Variants in SMURF2 observed in about 807,000 individuals in gnomAD.
SMURF2 encodes E3 ubiquitin-protein ligase SMURF2.
In SMURF2, 48 loss-of-function variants were observed where a neutral mutation model predicts 109.6. The observed-to-expected ratio is 0.44, with a 90% CI of 0.35 to 0.56. The LOEUF is 0.56. Among genes scored for constraint, SMURF2 ranks in the 20% least tolerant of loss-of-function variants. SMURF2 has a pLI of 0.01. For synonymous variants in SMURF2, 288 were observed against 317.1 expected, an observed-to-expected ratio of 0.91 and a Z score of 0.97; for missense variants, 575 against 909.0, an observed-to-expected ratio of 0.63 and a Z score of 4.72.
chr17:64,635,967 C>T (rs1382915333), intron 1 of SMURF2, among the ~76,000 whole-genome samples: 2 of 152,184 alleles, frequency 1.3e-5, no homozygotes, highest in Admixed American at 1.3e-4. Context: ...AATTTCTCCA[C>T]ATCTTTGCTA....
intron 2 of SMURF2, among the ~76,000 whole-genome samples, chr17:64,600,068 A>G (rs1555688421): frequency 6.6e-6 from 1 of 152,206 alleles, no homozygotes; most frequent in Non-Finnish European, 1.5e-5. Context: ...AACTACAGTC[A>G]TATTTTTCTA....
chr17:64,571,756 T>C (rs782732762), intron 10 of SMURF2, 42 bp downstream of exon 10: 13 of 1,565,396 alleles, frequency 8.3e-6, no homozygotes, highest in Non-Finnish European at 1.1e-5. Context: ...CGTTTCATCA[T>C]GTTTAACTCC....
At chr17:64,590,532 G>A (rs1242992735) in intron 5 of SMURF2, among the ~76,000 whole-genome samples, 2 of 152,086 alleles carry the variant, frequency 1.3e-5, no homozygotes, top group Admixed American at 6.6e-5. Context: ...CAATTCTTAA[G>A]AAAGGTCTCA....
chr17:64,593,595 T>A, intron 3 of SMURF2, 22 bp from the exon 4 acceptor site: 3 of 1,499,826 alleles, frequency 2.0e-6, no homozygotes, highest in Non-Finnish European at 2.7e-6. Flanking sequence ...AACGGCTGCA[T>A]GAGTAACTTG....
At chr17:64,575,159 A>G (rs1489211898) in intron 9 of SMURF2, among the ~76,000 whole-genome samples, 1 of 145,328 alleles carries the variant, frequency 6.9e-6, no homozygotes, top group African/African-American at 2.6e-5. Context: ...CTTTTTATCT[A>G]TTTATTTTTT....
intron 5 of SMURF2, among the ~76,000 whole-genome samples, chr17:64,589,611 TC>T (rs1555687479): frequency 6.6e-6 from 1 of 151,704 alleles, no homozygotes; most frequent in African/African-American, 2.4e-5. Context: ...GACATTAGAT[TC>T]TCATAGGAGC....
rs782806262 is a variant in SMURF2, at chr17:64,547,716, A to G, written c.1955T>C (p.Ile652Thr). 2.5e-6 allele frequency: 4 copies of G among 1,614,012 alleles called. No individual in the cohort carries two copies. In the South Asian group the frequency reaches 3.3e-5, roughly 13 times the overall value. The change falls in exon 17 of 19, where the codon ATT becomes ACT. Residue 652 changes from isoleucine to threonine, a missense_variant. Ile to Thr is a moderately conservative substitution (Grantham distance 89). Transcript: ENST00000262435. This position sits in a 1 kb window ranked among gnomAD's most constrained non-coding sequence, Gnocchi z 4.2. ...RLKHCTPDSN[I>T]VKWFWKAVEF... is the part of the protein sequence containing the mutation. ...CACAGCTTTCCAGAACCATTTGACA[A>G]TGTTGCTGTCTGGTGTACAGTGTTT...
At chr17:64,553,210 T>C (rs1328078519) in intron 15 of SMURF2, among the ~76,000 whole-genome samples, 2 of 151,948 alleles carry the variant, frequency 1.3e-5, no homozygotes, top group African/African-American at 4.8e-5. Context: ...ATCTTCAGTA[T>C]AATCATAAAA....
intron 5 of SMURF2, among the ~76,000 whole-genome samples, chr17:64,589,573 G>A (rs1405120522): frequency 1.3e-5 from 2 of 151,816 alleles, no homozygotes; most frequent in East Asian, 1.9e-4. Context: ...ATTACCACCC[G>A]AGCTCTGCCT....
intron 1 of SMURF2, among the ~76,000 whole-genome samples, chr17:64,655,719 T>G (rs554508873): frequency 6.6e-6 from 1 of 151,800 alleles, no homozygotes; most frequent in South Asian, 2.1e-4. Flanking sequence ...TAAACCCATC[T>G]CCACCCAAAA....
At chr17:64,564,860 C>G (rs970776491) in intron 10 of SMURF2, among the ~76,000 whole-genome samples, 1 of 152,054 alleles carries the variant, frequency 6.6e-6, no homozygotes, top group East Asian at 1.9e-4. Flanking sequence ...CCATCCAGTT[C>G]GTGGTATTTT....
chr17:64,605,744 AATATATATATATATATAT>A (rs71158333), intron 2 of SMURF2, among the ~76,000 whole-genome samples: 37 of 99,120 alleles, frequency 3.7e-4, no homozygotes, highest in African/African-American at 5.6e-4. Flanking sequence ...CTCTAAAAAG[AATATATATATATATATAT>A]ATATATATAT....
At chr17:64,621,263 T>C (rs193109436) in intron 1 of SMURF2, among the ~76,000 whole-genome samples, 5 of 152,150 alleles carry the variant, frequency 3.3e-5, no homozygotes, top group Admixed American at 2.0e-4. Flanking sequence ...CAAGCACAAA[T>C]AGGAAAGAAG....
At chr17:64,634,023 G>A (rs782742139) in intron 1 of SMURF2, among the ~76,000 whole-genome samples, 6 of 152,018 alleles carry the variant, frequency 3.9e-5, no homozygotes, top group Non-Finnish European at 7.4e-5. Context: ...GTGTGGTGGT[G>A]CGCGCCTGTA....
intron 1 of SMURF2, among the ~76,000 whole-genome samples, chr17:64,639,255 C>T (rs1555692388): frequency 2.0e-5 from 3 of 152,148 alleles, no homozygotes; most frequent in African/African-American, 4.8e-5. Flanking sequence ...GCTAGGGTCC[C>T]TCCCAGACCC....
chr17:64,564,443 G>C (rs1969272776), intron 10 of SMURF2, among the ~76,000 whole-genome samples: 1 of 152,146 alleles, frequency 6.6e-6, no homozygotes, highest in South Asian at 2.1e-4. Flanking sequence ...TGAGCTGTGT[G>C]TCCCCCAAAA....
intron 1 of SMURF2, among the ~76,000 whole-genome samples, chr17:64,648,553 T>C (rs1393485507): frequency 1.3e-5 from 2 of 151,956 alleles, no homozygotes; most frequent in Admixed American, 1.3e-4. Flanking sequence ...TGGAGGACTG[T>C]TTGAAGCCAG....
At chr17:64,620,395 C>T (rs1970185830) in intron 1 of SMURF2, among the ~76,000 whole-genome samples, 1 of 152,174 alleles carries the variant, frequency 6.6e-6, no homozygotes, top group Admixed American at 6.5e-5. Flanking sequence ...AATTCAGGCT[C>T]CATCCTATTT....
chr17:64,570,440 C>G (rs1969381316), intron 10 of SMURF2, among the ~76,000 whole-genome samples: 1 of 152,198 alleles, frequency 6.6e-6, no homozygotes, highest in African/African-American at 2.4e-5. Context: ...TTGAAAAAGA[C>G]ACTTTGCTAC....
Sources: allele counts gnomAD v4.1 joint callset (sites outside exome capture counted in the v4.1 genomes callset), GRCh38; gene constraint gnomAD v4.1.1; non-coding constraint Gnocchi (gnomAD v3.1); transcripts MANE v1.5; gene names NCBI Gene and HGNC (gene_info 2026-07-23, HGNC 2026-07-21).